MCF2L: variants seen among roughly 807,000 people sequenced by gnomAD.
MCF2L encodes MCF.2 cell line derived transforming sequence like.
In MCF2L, 97 loss-of-function variants were observed where a neutral mutation model predicts 153.4. That is an observed-to-expected ratio of 0.63 (90% CI 0.54 to 0.75). The LOEUF (loss-of-function observed/expected upper bound fraction) is 0.75, where lower values mean the gene tolerates loss of function less well. Among genes scored for constraint, MCF2L ranks in the 30% least tolerant of loss-of-function variants. The pLI is 0.00. For missense variants in MCF2L, 1,347 were observed against 1,495.2 expected (o/e 0.90, Z 1.64); for synonymous variants, 659 against 632.2 (o/e 1.04, Z -0.64).
intron 1 of MCF2L, among the ~76,000 whole-genome samples, chr13:112,995,773 G>A (rs2083103473): frequency 6.6e-6 from 1 of 152,154 alleles, no homozygotes; most frequent in African/African-American, 2.4e-5. Flanking sequence ...CTCTCCCCCA[G>A]ACTCCTCTCT....
At chr13:112,933,348 A>G (rs969280435) in intron 2 of MCF2L, among the ~76,000 whole-genome samples, 3 of 152,208 alleles carry the variant, frequency 2.0e-5, no homozygotes, top group African/African-American at 7.2e-5. Flanking sequence ...TGCTCCAGGA[A>G]TACTGAGGTG....
At chr13:113,083,944 G>C (rs1242450941) in intron 17 of MCF2L, 54 bp from the exon 18 acceptor site, 2 of 1,287,326 alleles carry the variant, frequency 1.6e-6, no homozygotes, top group Non-Finnish European at 2.3e-6. Flanking sequence ...ACTTGTCACT[G>C]GTCCACGTGA....
rs2084392206 is a variant in MCF2L, at chr13:113,014,665, G to T, written c.80-98G>T. 8 of 933,754 alleles carry T rather than the reference G, an allele frequency of 8.6e-6. No homozygotes were observed. The South Asian group carries it at 1.1e-4, about 13-fold the overall frequency. 57.8% of individuals were successfully genotyped at this position (933,754 alleles called of 1,614,324 possible). On this transcript the variant is annotated intron_variant, in intron 1 of 29. Transcript: ENST00000535094. ...GCCACGTGACGCCACTCCCGTAGGT[G>T]CCTGTGGATGTGCCAGCTCCGTGTG...
At chr13:112,894,577 G>A (rs1021185939) in intron 1 of MCF2L, 11 of 152,246 alleles carry the variant, frequency 7.2e-5, no homozygotes, top group Admixed American at 2.6e-4. Flanking sequence ...CAGGCGCTGG[G>A]ACCCGGCTCG....
At position 112,944,651 on chromosome 13, in the gene MCF2L, T is replaced by G. The variant is rs576607181; in HGVS notation, c.169+42280T>G. 3.1e-4 allele frequency among the ~76,000 whole-genome samples: 47 copies of G among 149,362 alleles called. 1 individual carries two copies. The highest frequency in any genetic ancestry group is 1.1e-3 in the African/African-American group (44 of 40,488). On this transcript the variant is annotated intron_variant, in intron 2 of 29. Coordinates refer to the MCF2L transcript ENST00000375608. ...CAGTGGCGCAACCTCGGCTCACGGC[T>G]AATTTTTTGTATTTTTAGTAGAGAT...
At position 113,074,925 on chromosome 13, in the gene MCF2L, TC is replaced by T. The variant is rs948211525; in HGVS notation, c.1117-70del. Reference sequence around the variant, plus strand: ...ACACACGTGTGCCCCGGGACACACATCCCGTACAGCAAGGCACTGTGTGCCT... The same window carrying T: ...ACACACGTGTGCCCCGGGACACACATCCGTACAGCAAGGCACTGTGTGCCT... On this transcript the variant is annotated intron_variant, in intron 10 of 29. Transcript: ENST00000535094. The surrounding 1 kb of genome is among the most constrained non-coding windows in gnomAD (Gnocchi z 4.2). 17 of 1,351,054 alleles carry T rather than the reference TC, an allele frequency of 1.3e-5. No homozygotes were observed. The African/African-American group carries it at 2.5e-4, about 19-fold the overall frequency. The allele number at this position is 1,351,054 out of a possible 1,614,324, so 83.7% of individuals were successfully genotyped here.
chr13:112,990,230 A>G (rs1225116760), intron 1 of MCF2L, among the ~76,000 whole-genome samples: 1 of 152,118 alleles, frequency 6.6e-6, no homozygotes, highest in Admixed American at 6.5e-5. Flanking sequence ...ACCCTTCGTC[A>G]CTTTCTTATG....
intron 2 of MCF2L, among the ~76,000 whole-genome samples, chr13:113,016,264 G>A (rs2084507538): frequency 6.6e-6 from 1 of 152,212 alleles, no homozygotes; most frequent in South Asian, 2.1e-4. Flanking sequence ...CCTGGCATGA[G>A]GGATCCCAGG....
At chr13:113,030,881 C>T (rs1052910987) in intron 3 of MCF2L, among the ~76,000 whole-genome samples, 5 of 152,150 alleles carry the variant, frequency 3.3e-5, no homozygotes, top group African/African-American at 1.2e-4. Context: ...TGTCCAGGCA[C>T]TGCTTGCTGA....
At chr13:113,072,374 G>A (rs954563956) in intron 9 of MCF2L, among the ~76,000 whole-genome samples, 3 of 152,136 alleles carry the variant, frequency 2.0e-5, no homozygotes, top group Admixed American at 6.6e-5. Context: ...CCCAACTAGA[G>A]CTTCCACCAT....
chr13:113,028,147 G>A lies in MCF2L; in HGVS notation c.278+3389G>A, dbSNP rs111968266. Among the ~76,000 whole-genome samples the A allele has an allele frequency of 1.2e-4, 18 of 152,266 alleles. No individual in the cohort carries two copies. Among genetic ancestry groups the A allele is most frequent in the African/African-American group, 4.3e-4 (18 of 41,544 alleles). The stretch of plus-strand genomic sequence containing the variant: ...TGAGCTGGGGCGCCTCCTGTTTGTT[G>A]AACCTTCCTGTCTCTTTTGTCTTAG... On this transcript the variant is annotated intron_variant, in intron 3 of 29. Coordinates refer to ENST00000535094, the MANE Select transcript of MCF2L (RefSeq NM_001112732.3). The surrounding 1 kb of genome is among the most constrained non-coding windows in gnomAD (Gnocchi z 5.4).
At chr13:112,908,732 GTTTTTT>G (rs139495654) in intron 2 of MCF2L, among the ~76,000 whole-genome samples, 2 of 148,596 alleles carry the variant, frequency 1.3e-5, no homozygotes, top group African/African-American at 2.5e-5. Context: ...TTTTGTTTTG[GTTTTTT>G]TTTGTTTTTT....
intron 4 of MCF2L, among the ~76,000 whole-genome samples, chr13:113,050,876 T>C (rs1429382091): frequency 6.7e-6 from 1 of 148,666 alleles, no homozygotes; most frequent in Admixed American, 6.7e-5. Flanking sequence ...GTTGTCCAGA[T>C]GGAGGGGGGC....
At chr13:113,033,198 C>G (rs2993320) in intron 3 of MCF2L, among the ~76,000 whole-genome samples, 1 of 53,008 alleles carries the variant, frequency 1.9e-5, no homozygotes, top group Non-Finnish European at 3.6e-5. Flanking sequence ...GACCCCGTGA[C>G]GTGAGTGGCC....
intron 1 of MCF2L, among the ~76,000 whole-genome samples, chr13:112,990,868 G>T (rs75680589): frequency 0.015 from 2,292 of 152,318 alleles, 64 homozygotes; most frequent in African/African-American, 0.053. Context: ...AGGAGAACTG[G>T]CGTGCTTATC....
At chr13:113,017,170 C>CTG (rs1023017400) in intron 2 of MCF2L, among the ~76,000 whole-genome samples, 19 of 152,380 alleles carry the variant, frequency 1.2e-4, no homozygotes, top group Admixed American at 1.0e-3. Context: ...TCCAGCACTG[C>CTG]TGTGTCCTGA....
In MCF2L at chr13:113,074,652, C is replaced by G; in HGVS notation, c.1116+89C>G. 1 of 1,555,962 alleles carries G rather than the reference C, an allele frequency of 6.4e-7. No homozygotes were observed. The highest frequency in any genetic ancestry group is 8.8e-7 in the Non-Finnish European group (1 of 1,142,182). On this transcript the variant is annotated intron_variant, in intron 10 of 29. Coordinates refer to ENST00000535094, the MANE Select transcript of MCF2L (RefSeq NM_001112732.3). This position sits in a 1 kb window ranked among gnomAD's most constrained non-coding sequence, Gnocchi z 4.2. ...GAAGGCGCAGGAATGGGCCTCCCGC[C>G]TACGGAGAACGGACCCCACAGCCCC...
At chr13:112,929,073 T>C (rs1460045390) in intron 2 of MCF2L, among the ~76,000 whole-genome samples, 1 of 152,196 alleles carries the variant, frequency 6.6e-6, no homozygotes, top group African/African-American at 2.4e-5. Context: ...CTCCTGGCTG[T>C]GTCTTCTGGG....
At chr13:112,931,076 G>A (rs180697471) in intron 2 of MCF2L, among the ~76,000 whole-genome samples, 1 of 152,374 alleles carries the variant, frequency 6.6e-6, no homozygotes, top group Non-Finnish European at 1.5e-5. Flanking sequence ...GGTTCAGCGT[G>A]CAGATGACAA....
Sources: allele counts gnomAD v4.1 joint callset (sites outside exome capture counted in the v4.1 genomes callset), GRCh38; gene constraint gnomAD v4.1.1; non-coding constraint Gnocchi (gnomAD v3.1); transcripts MANE v1.5; gene names NCBI Gene and HGNC (gene_info 2026-07-23, HGNC 2026-07-21).